Variants in GFOD1 observed in about 807,000 individuals in gnomAD.
GFOD1 encodes the protein glucose-fructose oxidoreductase domain-containing protein 1.
GFOD1 carries 9 observed loss-of-function variants against 25.4 expected under a neutral mutation model. That is an observed-to-expected ratio of 0.35 (90% CI 0.21 to 0.62). The LOEUF (loss-of-function observed/expected upper bound fraction) is 0.62. Ranked by LOEUF, GFOD1 falls within the 20% of genes least tolerant of loss-of-function variation. The pLI is 0.72. For synonymous variants in GFOD1, 253 were observed against 245.6 expected (o/e 1.03, Z -0.28); for missense variants, 403 against 556.9 (o/e 0.72, Z 2.78).
intron 1 of GFOD1, among the ~76,000 whole-genome samples, chr6:13,461,813 C>G (rs1395993730): frequency 2.0e-5 from 3 of 152,224 alleles, no homozygotes; most frequent in African/African-American, 7.2e-5. Context: ...TCAGCCTCTA[C>G]CAAGAGAGCT....
chr6:13,441,499 C>G (rs1757915698), intron 1 of GFOD1, among the ~76,000 whole-genome samples: 1 of 152,190 alleles, frequency 6.6e-6, no homozygotes, highest in Non-Finnish European at 1.5e-5. Context: ...AAAAATGTAT[C>G]TTTTCCTGAA....
At chr6:13,412,199 G>A (rs1199058440) in intron 1 of GFOD1, among the ~76,000 whole-genome samples, 3 of 152,200 alleles carry the variant, frequency 2.0e-5, no homozygotes, top group South Asian at 4.1e-4. Flanking sequence ...ACCTCAGAAT[G>A]TGACTATATT....
At chr6:13,368,152 T>C (rs1229968329) in intron 1 of GFOD1, among the ~76,000 whole-genome samples, 1 of 152,238 alleles carries the variant, frequency 6.6e-6, no homozygotes, top group Non-Finnish European at 1.5e-5. Context: ...ATCCTAGAAC[T>C]GGTCGGTACA....
chr6:13,412,873 A>T (rs1037643995), intron 1 of GFOD1, among the ~76,000 whole-genome samples: 1 of 152,240 alleles, frequency 6.6e-6, no homozygotes, highest in Non-Finnish European at 1.5e-5. Context: ...TCAAATGCTC[A>T]TCTGAGAAGG....
chr6:13,427,440 C>T (rs2127569506), intron 1 of GFOD1, among the ~76,000 whole-genome samples: 1 of 152,248 alleles, frequency 6.6e-6, no homozygotes, highest in East Asian at 1.9e-4. Context: ...CAGGCGAATC[C>T]CTTGAGCCCA....
rs201663825 is a variant in GFOD1, at chr6:13,409,169, A to AAGAGAG, written c.254-43513_254-43508dup. 7.9e-4 allele frequency among the ~76,000 whole-genome samples: 42 copies of AAGAGAG among 53,356 alleles called. 4 individuals are homozygous for AAGAGAG. The highest frequency in any genetic ancestry group is 1.6e-3 in the African/African-American group (35 of 21,410). The allele number at this position is 53,356 out of a possible 152,430, so 35.0% of individuals were successfully genotyped here. A position where few individuals can be genotyped will look rare whatever the true frequency, so the allele number is the denominator to read the frequency against. On this transcript the variant is annotated intron_variant, in intron 1 of 1. Coordinates refer to ENST00000379287, the MANE Select transcript of GFOD1 (RefSeq NM_018988.4). The stretch of plus-strand genomic sequence containing the variant: ...AGAAAGAGAGGAAAGAAAGAAAGGA[A>AAGAGAG]AGAGAGAGAGAGAGAGAAAGAAAGA...
intron 1 of GFOD1, among the ~76,000 whole-genome samples, chr6:13,413,916 A>G (rs1469026058): frequency 6.6e-6 from 1 of 152,228 alleles, no homozygotes; most frequent in East Asian, 1.9e-4. Flanking sequence ...TGCCTGATAT[A>G]AAGAGGCCAA....
At chr6:13,403,265 A>T (rs1785884468) in intron 1 of GFOD1, among the ~76,000 whole-genome samples, 2 of 152,110 alleles carry the variant, frequency 1.3e-5, no homozygotes, top group African/African-American at 4.8e-5. Flanking sequence ...AGCTGGGATT[A>T]CAGGCATGCA....
intron 1 of GFOD1, among the ~76,000 whole-genome samples, chr6:13,467,477 G>A (rs1448478095): frequency 6.6e-6 from 1 of 152,160 alleles, no homozygotes; most frequent in African/African-American, 2.4e-5. Flanking sequence ...CAAGCAGATG[G>A]TGATGAATTT....
chr6:13,473,891 G>A (rs1758560390), intron 1 of GFOD1, among the ~76,000 whole-genome samples: 1 of 152,084 alleles, frequency 6.6e-6, no homozygotes, highest in African/African-American at 2.4e-5. Context: ...GAGGGGAAGT[G>A]CACCCGGGAC....
intron 1 of GFOD1, among the ~76,000 whole-genome samples, chr6:13,425,874 A>G (rs1459719099): frequency 7.6e-6 from 1 of 132,262 alleles, no homozygotes; most frequent in Non-Finnish European, 1.5e-5. Context: ...TAAGCTAGGA[A>G]AAAAAAAAAA....
intron 1 of GFOD1, among the ~76,000 whole-genome samples, chr6:13,404,242 G>A (rs1357642136): frequency 2.0e-5 from 3 of 152,114 alleles, no homozygotes; most frequent in Non-Finnish European, 4.4e-5. Context: ...TCTGATCCAG[G>A]CTCAGCCTTT....
At chr6:13,393,174 G>A (rs1375404015) in intron 1 of GFOD1, among the ~76,000 whole-genome samples, 1 of 151,988 alleles carries the variant, frequency 6.6e-6, no homozygotes. Context: ...TGGGCAACAT[G>A]CTGAAACTCC....
At position 13,359,687 on chromosome 6, in the gene GFOD1, G is replaced by C. The variant is rs574448573; in HGVS notation, c.*5056C>G. 2 of 152,292 alleles carry C rather than the reference G, an allele frequency of 1.3e-5. No individual in the cohort carries two copies. The highest frequency in any genetic ancestry group is 4.1e-4 in the South Asian group (2 of 4,820). The allele number at this position is 152,292 out of a possible 1,614,324, so 9.4% of individuals were successfully genotyped here. A position where few individuals can be genotyped will look rare whatever the true frequency, so the allele number is the denominator to read the frequency against. ...TTCCCGGCTGGGCACGGTGGATCACGCCTGTCATCCCAGCACTTTGGGAGG... is the reference window on the plus strand; with the variant it reads ...TTCCCGGCTGGGCACGGTGGATCACCCCTGTCATCCCAGCACTTTGGGAGG... On this transcript the variant is annotated 3_prime_UTR_variant, in exon 2 of 2. Coordinates refer to ENST00000379287, the MANE Select transcript of GFOD1 (RefSeq NM_018988.4).
chr6:13,410,502 G>T (rs1266726152), intron 1 of GFOD1, among the ~76,000 whole-genome samples: 1 of 151,322 alleles, frequency 6.6e-6, no homozygotes, highest in Non-Finnish European at 1.5e-5. Context: ...AGGAGGCAGA[G>T]GTTGCAGTGA....
At chr6:13,372,536 T>C (rs1302796804) in intron 1 of GFOD1, among the ~76,000 whole-genome samples, 1 of 152,138 alleles carries the variant, frequency 6.6e-6, no homozygotes, top group Admixed American at 6.5e-5. Context: ...AGATCAGAGC[T>C]TTGGTGGGGC....
intron 1 of GFOD1, among the ~76,000 whole-genome samples, chr6:13,370,537 C>T (rs544739616): frequency 1.3e-5 from 2 of 152,242 alleles, no homozygotes; most frequent in South Asian, 2.1e-4. Context: ...CCTTACCCTA[C>T]CTCTCTCGGT....
At chr6:13,409,094 A>T (rs1353447441) in intron 1 of GFOD1, among the ~76,000 whole-genome samples, 1 of 56,184 alleles carries the variant, frequency 1.8e-5, no homozygotes, top group African/African-American at 4.3e-5. Context: ...GAAAGGAAAG[A>T]AAGAAAGAAA....
chr6:13,407,230 A>G (rs1785963531), intron 1 of GFOD1, among the ~76,000 whole-genome samples: 1 of 152,216 alleles, frequency 6.6e-6, no homozygotes, highest in Non-Finnish European at 1.5e-5. Flanking sequence ...AGAACTTTTT[A>G]TTTTGGATCT....
Sources: allele counts gnomAD v4.1 joint callset (sites outside exome capture counted in the v4.1 genomes callset), GRCh38; gene constraint gnomAD v4.1.1; transcripts MANE v1.5; gene names NCBI Gene and HGNC (gene_info 2026-07-23, HGNC 2026-07-21).